IL6ST: variants seen among roughly 807,000 people sequenced by gnomAD.
IL6ST encodes interleukin-6 receptor subunit beta.
A neutral mutation model predicts 91.3 loss-of-function variants in IL6ST; 24 were observed. The observed-to-expected ratio is 0.26, with a 90% confidence interval of 0.19 to 0.37. IL6ST has a LOEUF of 0.37. Ranked by LOEUF, IL6ST falls within the 10% of genes least tolerant of loss-of-function variation. The pLI is 1.00. For synonymous variants in IL6ST, 351 were observed against 373.6 expected (o/e 0.94, Z 0.70); for missense variants, 914 against 1,078.5 (o/e 0.85, Z 2.14).
At chr5:55,966,983 G>A (rs55889171) in intron 5 of IL6ST, among the ~76,000 whole-genome samples, 58,479 of 151,034 alleles carry the variant, frequency 0.39, 12,077 homozygotes, top group East Asian at 0.55. Flanking sequence ...CAAATCTGAT[G>A]AAATCTGTAG....
At chr5:55,970,467 G>A (rs1286616801) in intron 3 of IL6ST, among the ~76,000 whole-genome samples, 3 of 152,074 alleles carry the variant, frequency 2.0e-5, no homozygotes, top group African/African-American at 2.4e-5. Flanking sequence ...CAAGAGGATC[G>A]CTCGAGCTCA....
At chr5:55,986,141 T>C (rs1407239512) in intron 1 of IL6ST, among the ~76,000 whole-genome samples, 2 of 152,254 alleles carry the variant, frequency 1.3e-5, no homozygotes, top group Admixed American at 6.5e-5. Flanking sequence ...ATTTGGTTGA[T>C]AGTGTTCAAA....
intron 5 of IL6ST, among the ~76,000 whole-genome samples, chr5:55,965,501 TC>T (rs1561182266): frequency 6.6e-6 from 1 of 152,024 alleles, no homozygotes; most frequent in Non-Finnish European, 1.5e-5. Context: ...ATCTAAAAAA[TC>T]TAAAAACTAT....
At chr5:55,960,369 T>C (rs949044441) in intron 8 of IL6ST, 33 bp downstream of exon 8, 16 of 1,565,824 alleles carry the variant, frequency 1.0e-5, no homozygotes, top group East Asian at 6.8e-5. Context: ...GGAATTCCAA[T>C]AGCTTTACTT....
chr5:55,993,704 T>C (rs546694556), intron 1 of IL6ST, among the ~76,000 whole-genome samples: 3 of 152,328 alleles, frequency 2.0e-5, no homozygotes, highest in South Asian at 2.1e-4. Flanking sequence ...TAAAGAGAAA[T>C]AGTTGGAAAG....
rs905879430 is a variant in IL6ST at position 55,940,333 on chromosome 5, T to G, written c.*749A>C. 2.4e-5 allele frequency: 5 copies of G among 209,472 alleles called. No homozygotes were observed. Among genetic ancestry groups the G allele is most frequent in the African/African-American group, 1.1e-4 (5 of 44,050 alleles). The allele number at this position is 209,472 out of a possible 1,614,324, so 13.0% of individuals were successfully genotyped here. On this transcript the variant is annotated 3_prime_UTR_variant, in exon 17 of 17. Transcript: ENST00000381298. The stretch of plus-strand genomic sequence containing the variant: ...GGATCCCTAGCTCTTATCATGGCAC[T>G]CTGTTGAGTTTGTGAAATGCATCTT...
Position 55,952,347 on chromosome 5 carries a change from G to T in IL6ST, c.1455C>A (p.Asn485Lys). ...TCAAATAGCATTTGCTCTCTGCTAAGTTCCCTAAAGCAAGAATAGCAGATT... is the reference window on the plus strand; with the variant it reads ...TCAAATAGCATTTGCTCTCTGCTAATTTCCCTAAAGCAAGAATAGCAGATT... Reference protein sequence around the residue: ...GTVHRTYLRGNLAESKCYLIT... With the variant: ...GTVHRTYLRGKLAESKCYLIT... The change falls in exon 12 of 17, where the codon AAC becomes AAA. Residue 485 changes from asparagine to lysine, a missense_variant. Asn to Lys is a moderately conservative substitution (Grantham distance 94, BLOSUM62 0). Transcript: ENST00000381298. 1 of 1,559,510 alleles carries T rather than the reference G, an allele frequency of 6.4e-7. No individual in the cohort carries two copies. The highest frequency in any genetic ancestry group is 8.8e-7 in the Non-Finnish European group (1 of 1,137,762).
intron 3 of IL6ST, 142 bp from the exon 4 acceptor site, chr5:55,969,997 G>A (rs1425266579): frequency 3.8e-6 from 2 of 530,900 alleles, no homozygotes; most frequent in Non-Finnish European, 6.7e-6. Context: ...ATACACAACT[G>A]AAAATTAATA....
At chr5:55,992,379 C>A (rs1389519744) in intron 1 of IL6ST, among the ~76,000 whole-genome samples, 2 of 152,108 alleles carry the variant, frequency 1.3e-5, no homozygotes, top group Admixed American at 1.3e-4. Flanking sequence ...ATTCTGAAGC[C>A]AGGCTGTCTA....
intron 5 of IL6ST, among the ~76,000 whole-genome samples, chr5:55,967,650 G>A (rs1362083508): frequency 6.6e-6 from 1 of 151,810 alleles, no homozygotes; most frequent in African/African-American, 2.4e-5. Flanking sequence ...AAATATCTTT[G>A]GATGAAATAT....
At position 55,950,139 on chromosome 5, in the gene IL6ST, T is replaced by C. The variant is rs998349941; in HGVS notation, c.1840+1325A>G. 47 of 470,712 alleles carry C rather than the reference T, an allele frequency of 1.0e-4. No homozygotes were observed. In the Admixed American group the frequency reaches 1.1e-3, roughly 11 times the overall value. 29.2% of individuals were successfully genotyped at this position (470,712 alleles called of 1,614,324 possible). On this transcript the variant is annotated intron_variant, in intron 14 of 16. Coordinates refer to ENST00000381298, the MANE Select transcript of IL6ST (RefSeq NM_002184.4). ...CAAATACATTTATTGTAATCACATT[T>C]AAATTTATGGCTTTGGCATAGAACG...
At chr5:55,954,488 G>A (rs1334661953) in intron 11 of IL6ST, among the ~76,000 whole-genome samples, 2 of 152,082 alleles carry the variant, frequency 1.3e-5, no homozygotes, top group African/African-American at 4.8e-5. Flanking sequence ...TGAAGGATGA[G>A]GTACAGAGAA....
intron 14 of IL6ST, chr5:55,948,898 T>G (rs1175269472): frequency 2.0e-5 from 3 of 152,202 alleles, no homozygotes; most frequent in Non-Finnish European, 4.4e-5. Context: ...TCTGATTTAC[T>G]TATGCAAAAT....
At chr5:55,965,635 A>G (rs546916138) in intron 5 of IL6ST, among the ~76,000 whole-genome samples, 14 of 152,244 alleles carry the variant, frequency 9.2e-5, no homozygotes, top group Admixed American at 7.2e-4. Flanking sequence ...GAGGAAATAC[A>G]TGATGACCCT....
chr5:55,949,125 CTTCCT>C (rs1406838227), intron 14 of IL6ST: 2 of 152,084 alleles, frequency 1.3e-5, no homozygotes, highest in Non-Finnish European at 2.9e-5. Context: ...ACTAATTTTT[CTTCCT>C]CTCTACATTT....
At chr5:55,966,558 G>T (rs1025683106) in intron 5 of IL6ST, among the ~76,000 whole-genome samples, 7 of 152,102 alleles carry the variant, frequency 4.6e-5, no homozygotes, top group African/African-American at 1.7e-4. Context: ...ATACTGAAGT[G>T]ATTAAGAATG....
At chr5:55,951,404 T>G (rs1432405481) in intron 14 of IL6ST, 60 bp downstream of exon 14, 1 of 1,300,034 alleles carries the variant, frequency 7.7e-7, no homozygotes, top group Non-Finnish European at 1.1e-6. Flanking sequence ...GCACATAAAC[T>G]AAGTTCATTT....
chr5:55,963,611 C>A, intron 6 of IL6ST, 105 bp from the exon 7 acceptor site: 1 of 840,064 alleles, frequency 1.2e-6, no homozygotes. Flanking sequence ...AATAATTTAT[C>A]CTTACCAAAT....
chr5:55,976,422 A>T, intron 2 of IL6ST, 129 bp from the exon 3 acceptor site: 2 of 449,216 alleles, frequency 4.5e-6, no homozygotes, highest in East Asian at 7.2e-5. Flanking sequence ...GAGAATGTAG[A>T]AAACTTAAGT....
Sources: gnomAD v4.1 joint callset for allele counts (sites outside exome capture counted in the v4.1 genomes callset) on GRCh38, gnomAD v4.1.1 for gene constraint, MANE v1.5 for transcripts, NCBI Gene and HGNC (gene_info 2026-07-23, HGNC 2026-07-21) for gene names.